The following RAMP3 variants were observed in gnomAD, a reference collection of about 807,000 sequenced individuals.
RAMP3 encodes the protein receptor activity modifying protein 3.
A neutral mutation model predicts 13.5 loss-of-function variants in RAMP3; 14 were observed. That is an observed-to-expected ratio of 1.04 (90% CI 0.69 to 1.63). The LOEUF is 1.63. Ranked by LOEUF, RAMP3 falls within the 40% of genes most tolerant of loss-of-function variation. The probability of loss-of-function intolerance (pLI) is 0.00; values close to 1 mark genes in which losing one functional copy is unlikely to be tolerated. For missense variants in RAMP3, 200 were observed against 204.8 expected (o/e 0.98, Z 0.14); for synonymous variants, 106 against 88.3 (o/e 1.20, Z -1.12).
intron 1 of RAMP3, among the ~76,000 whole-genome samples, chr7:45,161,727 C>T (rs531068794): frequency 4.0e-5 from 6 of 151,548 alleles, no homozygotes; most frequent in Non-Finnish European, 5.9e-5. Context: ...GGCTGGGTCT[C>T]GGTGGCCTGA....
At chr7:45,160,051 G>A (rs747293844) in intron 1 of RAMP3, among the ~76,000 whole-genome samples, 49 of 152,134 alleles carry the variant, frequency 3.2e-4, no homozygotes, top group Non-Finnish European at 5.6e-4. Flanking sequence ...GGAGGTGGCC[G>A]GCCGGGTGCG....
At position 45,175,197 on chromosome 7, in the gene RAMP3, G is replaced by A. The variant is rs764730423; in HGVS notation, c.59-2112G>A. On this transcript the variant is annotated intron_variant, in intron 1 of 2. Transcript: ENST00000242249. ...CGTGGGGGTCAGGGACATTCCAGGT[G>A]CTGGAAACCATGCAGAGTGGCCAGA... Among the ~76,000 whole-genome samples, 55 of 152,190 alleles carry A rather than the reference G, an allele frequency of 3.6e-4. 1 individual carries two copies. The highest frequency in any genetic ancestry group is 5.1e-4 in the Non-Finnish European group (35 of 68,032).
At chr7:45,182,081 C>A (rs1786328125) in intron 2 of RAMP3, among the ~76,000 whole-genome samples, 3 of 152,134 alleles carry the variant, frequency 2.0e-5, no homozygotes, top group African/African-American at 7.2e-5. Context: ...AAATCTACGC[C>A]CAGATGATGT....
At chr7:45,168,030 A>G (rs565818778) in intron 1 of RAMP3, among the ~76,000 whole-genome samples, 97 of 152,344 alleles carry the variant, frequency 6.4e-4, no homozygotes, top group Non-Finnish European at 1.2e-3. Context: ...CACTTTAGGT[A>G]GTACTGACAT....
At chr7:45,174,622 C>T (rs958652304) in intron 1 of RAMP3, among the ~76,000 whole-genome samples, 1 of 152,176 alleles carries the variant, frequency 6.6e-6, no homozygotes, top group Non-Finnish European at 1.5e-5. Context: ...GTCCCCTTCC[C>T]GCCACTGACA....
At position 45,183,316 on chromosome 7, in the gene RAMP3, G is replaced by A. The variant is rs929977210; in HGVS notation, c.351G>A (p.Glu117=). The change falls in exon 3 of 3, where the codon GAG becomes GAA. Residue 117 remains glutamate, a synonymous_variant. Transcript: ENST00000242249. The part of the protein sequence containing the change: ...DRVHLEDPPD[E]VLIPLIVIPV... ...TCCACTTGGAGGACCCCCCAGACGA[G>A]GTTCTCATCCCGCTGATCGTTATAC... The A allele has an allele frequency of 6.2e-7, 1 of 1,614,112 alleles. No homozygotes were observed. The highest frequency in any genetic ancestry group is 8.5e-7 in the Non-Finnish European group (1 of 1,180,038).
intron 2 of RAMP3, 71 bp downstream of exon 2, chr7:45,177,512 C>T: frequency 3.8e-6 from 6 of 1,597,760 alleles, no homozygotes; most frequent in Admixed American, 1.7e-5. Context: ...ACTGCCTGAC[C>T]ACAGCCTGAC....
intron 1 of RAMP3, among the ~76,000 whole-genome samples, chr7:45,169,657 C>T (rs1786041773): frequency 6.6e-6 from 1 of 152,174 alleles, no homozygotes; most frequent in Non-Finnish European, 1.5e-5. Context: ...CTTGCAGTAG[C>T]ATCACTCCCA....
chr7:45,170,296 G>C (rs7784852), intron 1 of RAMP3, among the ~76,000 whole-genome samples: 39,186 of 151,346 alleles, frequency 0.26, 6,044 homozygotes, highest in African/African-American at 0.43. Context: ...AGGGTGGAAG[G>C]CTGGGTAATT....
intron 2 of RAMP3, among the ~76,000 whole-genome samples, chr7:45,182,547 T>G (rs1786337064): frequency 6.6e-6 from 1 of 152,120 alleles, no homozygotes; most frequent in Non-Finnish European, 1.5e-5. Flanking sequence ...ATCTTTGATC[T>G]CATGGACAGG....
intron 2 of RAMP3, among the ~76,000 whole-genome samples, chr7:45,182,302 T>C (rs1004571266): frequency 6.6e-6 from 1 of 152,170 alleles, no homozygotes; most frequent in Non-Finnish European, 1.5e-5. Context: ...CCATCTAGCT[T>C]CGTCTAGAAC....
chr7:45,170,495 G>C (rs1418441810), intron 1 of RAMP3, among the ~76,000 whole-genome samples: 1 of 151,970 alleles, frequency 6.6e-6, no homozygotes, highest in African/African-American at 2.4e-5. Context: ...ATGCCACCAT[G>C]CTTGGCTAAT....
chr7:45,159,822 G>A (rs1025224286), intron 1 of RAMP3, among the ~76,000 whole-genome samples: 17 of 152,356 alleles, frequency 1.1e-4, no homozygotes, highest in African/African-American at 4.1e-4. Context: ...GCACCCACCA[G>A]TGACTGCACT....
chr7:45,167,698 T>G (rs938764243), intron 1 of RAMP3, among the ~76,000 whole-genome samples: 10 of 151,798 alleles, frequency 6.6e-5, no homozygotes, highest in Non-Finnish European at 1.5e-4. Context: ...GGGAAGCCTC[T>G]CCTGAGGCTT....
chr7:45,169,583 C>A (rs1287146766), intron 1 of RAMP3, among the ~76,000 whole-genome samples: 1 of 152,152 alleles, frequency 6.6e-6, no homozygotes, highest in Non-Finnish European at 1.5e-5. Context: ...GCTGGAAGAA[C>A]CCAGGTGCTG....
chr7:45,170,589 G>A (rs1042355868), intron 1 of RAMP3, among the ~76,000 whole-genome samples: 32 of 151,814 alleles, frequency 2.1e-4, no homozygotes, highest in African/African-American at 6.3e-4. Context: ...TGCTCGCCTC[G>A]GCCTTCCAAA....
rs530009861 is a variant in RAMP3 at position 45,178,077 on chromosome 7, G to C, written c.191+636G>C. On this transcript the variant is annotated intron_variant, in intron 2 of 2. Coordinates refer to ENST00000242249, the MANE Select transcript of RAMP3 (RefSeq NM_005856.3). ...GGTGCCCTGGCCTGGGGGATGCCTT[G>C]CCTGGAGGGTGCTCCACCTCTCCTT... Among the ~76,000 whole-genome samples, 3 of 152,194 alleles carry C rather than the reference G, an allele frequency of 2.0e-5. No individual in the cohort carries two copies. In the East Asian group the frequency reaches 5.8e-4, roughly 29 times the overall value.
rs754433800 is a variant in RAMP3, at chr7:45,177,370, T to C, written c.120T>C (p.Cys40=). 6.8e-6 allele frequency: 11 copies of C among 1,614,078 alleles called. No homozygotes were observed. Among genetic ancestry groups the C allele is most frequent in the Middle Eastern group, 1.7e-4 (1 of 6,060 alleles). ...ETGMLERLPL[C]GKAFADMMGK... ...GCATGTTGGAGAGGCTGCCCCTGTG[T>C]GGGAAGGCTTTCGCAGACATGATGG... Residue 40 remains cysteine, a synonymous_variant, in exon 2 of 3, where the codon TGT becomes TGC. Transcript: ENST00000242249.
intron 1 of RAMP3, among the ~76,000 whole-genome samples, chr7:45,170,513 A>G (rs1786059568): frequency 6.6e-6 from 1 of 151,418 alleles, no homozygotes; most frequent in South Asian, 2.1e-4. Flanking sequence ...AATTTTTTGT[A>G]TTTTTACTAG....
Sources: gnomAD v4.1 joint callset for allele counts (sites outside exome capture counted in the v4.1 genomes callset) on GRCh38, gnomAD v4.1.1 for gene constraint, MANE v1.5 for transcripts, NCBI Gene and HGNC (gene_info 2026-07-23, HGNC 2026-07-21) for gene names.